POLG: variants seen among roughly 807,000 people sequenced by gnomAD.
POLG encodes DNA polymerase subunit gamma-1.
Under a neutral mutation model 155.4 loss-of-function variants are expected in POLG, and 110 were observed. The observed-to-expected ratio is 0.71, with a 90% CI of 0.61 to 0.83. The LOEUF (loss-of-function observed/expected upper bound fraction) is 0.83. POLG is among the 40% of genes least tolerant of loss of function. The pLI, the probability that POLG is intolerant of heterozygous loss-of-function variation, is 0.00. For missense variants in POLG, 1,685 were observed against 1,627.5 expected (o/e 1.04, Z -0.61); for synonymous variants, 701 against 631.5 (o/e 1.11, Z -1.65).
chr15:89,321,704 G>C (rs751208501), intron 16 of POLG, 32 bp downstream of exon 16: 1 of 1,477,310 alleles, frequency 6.8e-7, no homozygotes, highest in South Asian at 1.1e-5. Context: ...GGGAGAGGAA[G>C]AGCAGGGGCC....
chr15:89,319,645 T>C (rs1011798478), intron 18 of POLG, among the ~76,000 whole-genome samples: 6 of 152,196 alleles, frequency 3.9e-5, no homozygotes, highest in Non-Finnish European at 8.8e-5. Context: ...CTATTCCTAC[T>C]GTCCTGTTTC....
chr15:89,328,975 T>C lies in POLG; in HGVS notation c.991A>G (p.Lys331Glu), dbSNP rs1380309120. ...CCTCTTCTGGCTTTCCTCTGGGACT[T>C]CTGGCCTTGCTTTGTGGGGGGCTGG... Reference protein sequence around the residue: ...KVQPPTKQGQKSQRKARRGPA... With the variant: ...KVQPPTKQGQESQRKARRGPA... Residue 331 changes from lysine to glutamate, a missense_variant, in exon 4 of 23, where the codon AAG (lysine) becomes GAG (glutamate). This residue lies in a region of POLG where 1,210 missense variants were observed against 1,167.1 expected (regional missense o/e 1.04). Coordinates refer to ENST00000268124, the MANE Select transcript of POLG (RefSeq NM_002693.3). 6.2e-7 allele frequency: 1 copy of C among 1,613,938 alleles called. No homozygotes were observed. The highest frequency in any genetic ancestry group is 8.5e-7 in the Non-Finnish European group (1 of 1,180,032).
chr15:89,322,521 G>A (rs747329336), intron 14 of POLG, among the ~76,000 whole-genome samples: 6 of 152,338 alleles, frequency 3.9e-5, no homozygotes, highest in South Asian at 2.1e-4. Context: ...TTGGAGCTAC[G>A]AAGGGCTCTC....
chr15:89,321,868 G>A lies in POLG; in HGVS notation c.2481-15C>T. 1.2e-6 allele frequency: 2 copies of A among 1,611,142 alleles called. No individual in the cohort carries two copies. The highest frequency in any genetic ancestry group is 1.7e-6 in the Non-Finnish European group (2 of 1,177,272). ...AGTCGGGGTGCCTGGTGGGGTGCAG[G>A]GGAAGGAAATGGGTCTTAGCAGGGT... On this transcript the variant is annotated splice_polypyrimidine_tract_variant and intron_variant, in intron 15 of 22. Coordinates refer to ENST00000268124, the MANE Select transcript of POLG (RefSeq NM_002693.3).
intron 2 of POLG, chr15:89,332,102 T>C (rs2055601644): frequency 6.6e-6 from 1 of 152,234 alleles, no homozygotes; most frequent in Non-Finnish European, 1.5e-5. Flanking sequence ...TGGCCGATAT[T>C]CCCCTTTACT....
At chr15:89,323,313 GAA>G (rs2055424976) in intron 13 of POLG, 89 bp downstream of exon 13, 2 of 791,038 alleles carry the variant, frequency 2.5e-6, no homozygotes, top group South Asian at 1.4e-5. Context: ...CCACAAAAAG[GAA>G]AGTCTCAGGT....
In POLG at chr15:89,321,196, C is replaced by T. The variant is rs878854560; in HGVS notation, c.2663G>A (p.Gly888Asp). ...VQAPPGYTLV[G>D]ADVDSQELWI... is the part of the protein sequence containing the mutation. ...CAGCTCTTGGGAGTCCACATCAGCA[C>T]CCACAAGGGTGTAGCCAGGTGGGGC... The change falls in exon 17 of 23, where the codon GGT (glycine) becomes GAT (aspartate). Residue 888 changes from glycine to aspartate, a missense_variant. By Grantham distance (94) the Gly-to-Asp change is moderately conservative. Around this residue, in one of 3 missense-constraint regions of POLG, gnomAD observed 1,210 missense variants for 1,167.1 expected, o/e 1.04. Coordinates refer to ENST00000268124, the MANE Select transcript of POLG (RefSeq NM_002693.3). The T allele has an allele frequency of 4.3e-6, 7 of 1,614,232 alleles. No individual in the cohort carries two copies. The highest frequency in any genetic ancestry group is 5.1e-6 in the Non-Finnish European group (6 of 1,180,036).
intron 9 of POLG, 61 bp downstream of exon 9, chr15:89,326,551 T>C: frequency 1.3e-6 from 2 of 1,591,508 alleles, no homozygotes. Flanking sequence ...AGACCAGGGC[T>C]GTCCTGAGAA....
chr15:89,328,945 C>T lies in POLG; in HGVS notation c.1021G>A (p.Ala341Thr). The change falls in exon 4 of 23, where the codon GCG becomes ACG. Residue 341 changes from alanine (A) to threonine (T), a missense_variant and splice_region_variant. Coordinates refer to ENST00000268124, the MANE Select transcript of POLG (RefSeq NM_002693.3). ...GCCCACCGGCAGTGTGCTCTCACCG[C>T]TGGGCCTCTTCTGGCTTTCCTCTGG... ...KSQRKARRGP[A>T]ISSWDWLDIS... is the part of the protein sequence containing the mutation. 2 of 1,614,130 alleles carry T rather than the reference C, an allele frequency of 1.2e-6. No individual in the cohort carries two copies. Among genetic ancestry groups the T allele is most frequent in the Non-Finnish European group, 1.7e-6 (2 of 1,180,040 alleles).
chr15:89,324,376 G>C (rs2055442187), intron 10 of POLG, 149 bp from the exon 11 acceptor site: 6 of 880,130 alleles, frequency 6.8e-6, no homozygotes, highest in Non-Finnish European at 1.1e-5. Flanking sequence ...CCGGGTTTTA[G>C]ACAGGGATTG....
At chr15:89,332,958 TCTAGTC>T in intron 2 of POLG, 132 bp downstream of exon 2, 2 of 1,142,830 alleles carry the variant, frequency 1.8e-6, no homozygotes, top group Non-Finnish European at 2.4e-6. Context: ...TAAACAGGGG[TCTAGTC>T]CTAATTCAAC....
intron 4 of POLG, 41 bp downstream of exon 4, chr15:89,328,902 C>A: frequency 6.2e-7 from 1 of 1,614,032 alleles, no homozygotes; most frequent in East Asian, 2.2e-5. Flanking sequence ...GAGAGGGGGT[C>A]CCAAGCACTA....
chr15:89,323,371 A>C (rs754985811), intron 13 of POLG, 33 bp downstream of exon 13: 17 of 1,394,170 alleles, frequency 1.2e-5, no homozygotes, highest in East Asian at 2.3e-5. Flanking sequence ...GAATGAGGAA[A>C]CACCACAGGA....
At chr15:89,325,159 TGAGTGAGTGAGAGAGTGAGA>T (rs1215394395) in intron 10 of POLG, among the ~76,000 whole-genome samples, 3 of 43,418 alleles carry the variant, frequency 6.9e-5, no homozygotes, top group East Asian at 5.9e-4. Flanking sequence ...AGTGAGTGAG[TGAGTGAGTGAGAGAGTGAGA>T]GAGTGAGTGA....
chr15:89,331,226 A>C (rs1253935425), intron 2 of POLG, among the ~76,000 whole-genome samples: 1 of 152,228 alleles, frequency 6.6e-6, no homozygotes, highest in Non-Finnish European at 1.5e-5. Context: ...AGAGGTTCCT[A>C]GTTTTAAACC....
intron 22 of POLG, 172 bp downstream of exon 22, chr15:89,317,201 ACAT>A (rs1243803819): frequency 2.3e-5 from 15 of 641,506 alleles, no homozygotes; most frequent in Middle Eastern, 4.2e-4. Flanking sequence ...CATTTCTGAA[ACAT>A]CATATCACAT....
intron 2 of POLG, among the ~76,000 whole-genome samples, chr15:89,331,758 G>A (rs975471119): frequency 1.3e-5 from 2 of 152,086 alleles, no homozygotes; most frequent in African/African-American, 4.8e-5. Context: ...CGCTATTAGG[G>A]CACCATGTGG....
Position 89,323,415 on chromosome 15 carries a change from G to C in POLG, c.2254C>G (p.Leu752Val). 1 of 1,610,224 alleles carries C rather than the reference G, an allele frequency of 6.2e-7. No individual in the cohort carries two copies. Among genetic ancestry groups the C allele is most frequent in the Non-Finnish European group, 8.5e-7 (1 of 1,176,430 alleles). ...GACCCAGGACACACCTTGTGAGGCA[G>C]CTTGAAAAACCAGCAGCCAGGGATG... ...VDIPGCWFFK[L>V]PHKDGNSCNV... The change falls in exon 13 of 23, where the codon CTG (leucine) becomes GTG (valine). Residue 752 changes from leucine (L) to valine (V), a missense_variant. By Grantham distance (32) the Leu-to-Val change is conservative. Transcript: ENST00000268124.
intron 2 of POLG, among the ~76,000 whole-genome samples, chr15:89,330,568 GGT>G (rs1431655546): frequency 6.6e-6 from 1 of 152,304 alleles, no homozygotes; most frequent in East Asian, 1.9e-4. Context: ...GGGCTATCAA[GGT>G]GTTTGCTAGG....
Sources: allele counts gnomAD v4.1 joint callset (sites outside exome capture counted in the v4.1 genomes callset), GRCh38; gene constraint gnomAD v4.1.1; regional missense constraint gnomAD v4.1.1; transcripts MANE v1.5; gene names NCBI Gene and HGNC (gene_info 2026-07-23, HGNC 2026-07-21).